The following CDH23 variants were observed in gnomAD, a reference collection of about 807,000 sequenced individuals.
CDH23 encodes cadherin related 23.
A neutral mutation model predicts 317.1 loss-of-function variants in CDH23; 189 were observed. The ratio of observed to expected loss-of-function variants is 0.60; its 90% CI spans 0.53 to 0.67. CDH23 has a LOEUF of 0.67. CDH23 is among the 30% of genes least tolerant of loss of function. The pLI is 0.00. For synonymous variants in CDH23, 1,839 were observed against 1,876.8 expected (o/e 0.98, Z 0.52); for missense variants, 4,401 against 4,592.4 (o/e 0.96, Z 1.20).
intron 30 of CDH23, among the ~76,000 whole-genome samples, chr10:71,726,796 C>T (rs1348895379): frequency 6.6e-6 from 1 of 152,250 alleles, no homozygotes; most frequent in Non-Finnish European, 1.5e-5. Context: ...TTCAGGCTTC[C>T]TAACCACAGC....
At chr10:71,427,822 C>T (rs6480520) in intron 1 of CDH23, among the ~76,000 whole-genome samples, 79,611 of 151,206 alleles carry the variant, frequency 0.53, 21,318 homozygotes, top group Non-Finnish European at 0.56. Flanking sequence ...AAGCGATTCT[C>T]CTGCCTCAGC....
intron 38 of CDH23, among the ~76,000 whole-genome samples, chr10:71,761,365 AG>A (rs1840378648): frequency 6.6e-6 from 1 of 152,158 alleles, no homozygotes. Context: ...CACATTAAAA[AG>A]TCTCACTGTC....
intron 3 of CDH23, among the ~76,000 whole-genome samples, chr10:71,452,025 G>A (rs548357324): frequency 1.4e-4 from 22 of 152,296 alleles, no homozygotes; most frequent in South Asian, 4.1e-4. Context: ...GCACTTTCCC[G>A]CAGATGGCAC....
chr10:71,782,681 G>A (rs1374780099), intron 41 of CDH23, among the ~76,000 whole-genome samples: 2 of 152,234 alleles, frequency 1.3e-5, no homozygotes, highest in Non-Finnish European at 2.9e-5. Flanking sequence ...TCTCCTCCTG[G>A]CTTTGGAAGG....
chr10:71,786,696 C>A (rs1465619761), intron 44 of CDH23, among the ~76,000 whole-genome samples: 1 of 152,064 alleles, frequency 6.6e-6, no homozygotes, highest in Non-Finnish European at 1.5e-5. Flanking sequence ...TGGGATTTCA[C>A]CATGTTGGCG....
intron 38 of CDH23, chr10:71,760,503 C>G (rs1028187925): frequency 5.2e-6 from 1 of 191,454 alleles, no homozygotes; most frequent in African/African-American, 2.3e-5. Context: ...TAGTTTAATT[C>G]TAGGCCAAGA....
intron 2 of CDH23, among the ~76,000 whole-genome samples, chr10:71,440,208 G>T (rs919563438): frequency 1.3e-5 from 2 of 152,166 alleles, no homozygotes; most frequent in African/African-American, 4.8e-5. Context: ...GGGGTGCAGG[G>T]ACTGGCCACA....
At chr10:71,539,990 ACTTT>A (rs1227796901) in intron 6 of CDH23, among the ~76,000 whole-genome samples, 1 of 152,092 alleles carries the variant, frequency 6.6e-6, no homozygotes, top group African/African-American at 2.4e-5. Context: ...GCTTCAGAAC[ACTTT>A]CTTTGCTGCC....
In CDH23 at chr10:71,781,316, C is replaced by T. The variant is rs531785362; in HGVS notation, c.5368+1869C>T. 3.9e-5 allele frequency among the ~76,000 whole-genome samples: 6 copies of T among 152,322 alleles called. No individual in the cohort carries two copies. In the South Asian group the frequency reaches 1.2e-3, roughly 32 times the overall value. ...GGTCACTCTGTTCGGACATGCTACC[C>T]TTTCGGATCCCAAAGTCTCCTCTCT... On this transcript the variant is annotated intron_variant, in intron 41 of 69. Coordinates refer to ENST00000224721, the MANE Select transcript of CDH23 (RefSeq NM_022124.6).
intron 11 of CDH23, among the ~76,000 whole-genome samples, chr10:71,633,011 C>G (rs545451967): frequency 1.3e-5 from 2 of 152,060 alleles, no homozygotes; most frequent in African/African-American, 4.8e-5. Flanking sequence ...CAGGGCATCT[C>G]GCATGATGAG....
intron 3 of CDH23, among the ~76,000 whole-genome samples, chr10:71,471,895 C>T (rs1433940285): frequency 1.3e-5 from 2 of 152,338 alleles, no homozygotes; most frequent in Middle Eastern, 3.4e-3. Context: ...ACACATCCTA[C>T]GTGGAAACCA....
At chr10:71,690,289 C>T (rs537216043) in intron 19 of CDH23, among the ~76,000 whole-genome samples, 179 bp from the exon 20 acceptor site, 3 of 152,150 alleles carry the variant, frequency 2.0e-5, no homozygotes, top group East Asian at 1.9e-4. Context: ...ACGATTGAGC[C>T]GCCCTTGTCC....
chr10:71,754,396 G>A (rs1482502437), intron 38 of CDH23, among the ~76,000 whole-genome samples: 2 of 152,136 alleles, frequency 1.3e-5, no homozygotes, highest in East Asian at 3.9e-4. Flanking sequence ...GAAATAAGTT[G>A]CGAGCCAAAA....
chr10:71,597,474 C>T (rs1859936039), intron 9 of CDH23, among the ~76,000 whole-genome samples: 1 of 152,138 alleles, frequency 6.6e-6, no homozygotes, highest in Non-Finnish European at 1.5e-5. Context: ...CCCACCTCAT[C>T]CGCCCTGAAG....
intron 11 of CDH23, among the ~76,000 whole-genome samples, chr10:71,642,295 T>G (rs1194423344): frequency 6.6e-6 from 1 of 151,196 alleles, no homozygotes; most frequent in Non-Finnish European, 1.5e-5. Context: ...GTGCTGCCAA[T>G]GGGGAATGCC....
chr10:71,434,096 C>T (rs546699529), intron 1 of CDH23, among the ~76,000 whole-genome samples: 11 of 152,244 alleles, frequency 7.2e-5, no homozygotes, highest in Non-Finnish European at 1.2e-4. Context: ...GCTCCTCAAG[C>T]GCACTAGGCA....
chr10:71,679,622 G>A, intron 17 of CDH23, 130 bp downstream of exon 17: 1 of 738,014 alleles, frequency 1.4e-6, no homozygotes, highest in East Asian at 2.7e-5. Flanking sequence ...TCAGGAAGCT[G>A]CCCGGAGCAC....
intron 10 of CDH23, 37 bp downstream of exon 10, chr10:71,615,653 G>GCATCTCCTCT: frequency 6.9e-7 from 1 of 1,448,362 alleles, no homozygotes; most frequent in South Asian, 1.2e-5. Flanking sequence ...CCAGGTAGAG[G>GCATCTCCTCT]AGATGCCCCT....
At chr10:71,731,915 C>A in intron 31 of CDH23, 72 bp from the exon 32 acceptor site, 1 of 1,513,686 alleles carries the variant, frequency 6.6e-7, no homozygotes, top group Non-Finnish European at 8.9e-7. Flanking sequence ...ATGGGTGTGG[C>A]AGCTTGAGAA....
Sources: allele counts gnomAD v4.1 joint callset (sites outside exome capture counted in the v4.1 genomes callset), GRCh38; gene constraint gnomAD v4.1.1; transcripts MANE v1.5; gene names NCBI Gene and HGNC (gene_info 2026-07-23, HGNC 2026-07-21).